Variants in DOCK5 observed in about 807,000 individuals in gnomAD.
DOCK5 encodes the protein dedicator of cytokinesis protein 5.
Under a neutral mutation model 251.8 loss-of-function variants are expected in DOCK5, and 142 were observed. That is an observed-to-expected ratio of 0.56 (90% CI 0.49 to 0.65). DOCK5 has a LOEUF of 0.65. DOCK5 is among the 30% of genes least tolerant of loss of function. The pLI is 0.00. For synonymous variants in DOCK5, 842 were observed against 835.5 expected, an observed-to-expected ratio of 1.01 and a Z score of -0.13; for missense variants, 2,111 against 2,312.3, an observed-to-expected ratio of 0.91 and a Z score of 1.79.
chr8:25,330,684 T>A (rs527515072), intron 18 of DOCK5, among the ~76,000 whole-genome samples: 2 of 152,168 alleles, frequency 1.3e-5, no homozygotes, highest in Non-Finnish European at 2.9e-5. Flanking sequence ...AGGGTGTTGA[T>A]AAACACCCTC....
chr8:25,279,292 C>T (rs767711710), intron 5 of DOCK5, among the ~76,000 whole-genome samples: 1 of 152,246 alleles, frequency 6.6e-6, no homozygotes, highest in South Asian at 2.1e-4. Context: ...AAGGAGCCAG[C>T]ACATCCTCTC....
chr8:25,305,291 C>CAAAAAAAAA (rs550179538), intron 11 of DOCK5: 1 of 87,742 alleles, frequency 1.1e-5, no homozygotes. Flanking sequence ...ATACATTATG[C>CAAAAAAAAA]AAAAAAAAAA....
chr8:25,379,557 G>A (rs965982863), intron 38 of DOCK5, among the ~76,000 whole-genome samples: 1 of 151,956 alleles, frequency 6.6e-6, no homozygotes, highest in African/African-American at 2.4e-5. Flanking sequence ...TTGTTCAAAC[G>A]CACATGTTTT....
chr8:25,355,781 T>C (rs1324804406), intron 27 of DOCK5, among the ~76,000 whole-genome samples: 1 of 152,178 alleles, frequency 6.6e-6, no homozygotes, highest in Non-Finnish European at 1.5e-5. Context: ...TGATATTTAA[T>C]GCCTGTTCTT....
intron 2 of DOCK5, among the ~76,000 whole-genome samples, chr8:25,244,869 A>G (rs114798173): frequency 0.016 from 2,486 of 152,240 alleles, 76 homozygotes; most frequent in African/African-American, 0.057. Flanking sequence ...GTAATCATGT[A>G]GCTCCCAGGG....
intron 1 of DOCK5, among the ~76,000 whole-genome samples, chr8:25,217,773 T>C (rs1458156183): frequency 6.6e-6 from 1 of 152,202 alleles, no homozygotes; most frequent in Non-Finnish European, 1.5e-5. Flanking sequence ...TAACATTGAA[T>C]CATGTAGTGA....
chr8:25,220,655 A>T (rs1307671417), intron 1 of DOCK5, among the ~76,000 whole-genome samples: 1 of 152,132 alleles, frequency 6.6e-6, no homozygotes, highest in Non-Finnish European at 1.5e-5. Flanking sequence ...TGTGTCGCCC[A>T]GGTTGGAGTA....
chr8:25,225,146 G>A (rs771261919), intron 1 of DOCK5, among the ~76,000 whole-genome samples: 2 of 152,204 alleles, frequency 1.3e-5, no homozygotes, highest in African/African-American at 2.4e-5. Context: ...TGCTCTGCTG[G>A]TGGGAATGTA....
intron 2 of DOCK5, among the ~76,000 whole-genome samples, chr8:25,258,796 G>A (rs919011956): frequency 1.3e-5 from 2 of 152,154 alleles, no homozygotes; most frequent in African/African-American, 2.4e-5. Context: ...CAGGCACTGC[G>A]AAGGACAGTT....
chr8:25,240,350 A>G (rs2117539491), intron 1 of DOCK5, among the ~76,000 whole-genome samples: 1 of 152,158 alleles, frequency 6.6e-6, no homozygotes, highest in Admixed American at 6.5e-5. Flanking sequence ...TAAGCATATA[A>G]TTCACTGATT....
At chr8:25,313,599 G>A (rs1434985470) in intron 13 of DOCK5, among the ~76,000 whole-genome samples, 7 of 152,142 alleles carry the variant, frequency 4.6e-5, no homozygotes, top group Admixed American at 6.5e-5. Context: ...AAAATACCAC[G>A]GACTGGGTGG....
At chr8:25,188,196 A>G (rs1276731172) in intron 1 of DOCK5, among the ~76,000 whole-genome samples, 1 of 152,172 alleles carries the variant, frequency 6.6e-6, no homozygotes, top group Non-Finnish European at 1.5e-5. Flanking sequence ...GTTTGGTTAG[A>G]TGGAGGAAGG....
At chr8:25,379,518 G>A (rs1801026284) in intron 38 of DOCK5, among the ~76,000 whole-genome samples, 1 of 152,064 alleles carries the variant, frequency 6.6e-6, no homozygotes, top group Admixed American at 6.5e-5. Context: ...CTGTTATTCT[G>A]TTCTTTTTCA....
intron 1 of DOCK5, among the ~76,000 whole-genome samples, chr8:25,194,793 C>A (rs1387435023): frequency 6.6e-6 from 1 of 152,174 alleles, no homozygotes; most frequent in African/African-American, 2.4e-5. Flanking sequence ...CTAAGAGTCA[C>A]CCCACATTCT....
At chr8:25,342,996 C>T (rs1428290566) in intron 25 of DOCK5, among the ~76,000 whole-genome samples, 2 of 151,672 alleles carry the variant, frequency 1.3e-5, no homozygotes, top group Non-Finnish European at 2.9e-5. Flanking sequence ...TGAGCCACCG[C>T]GTCCGGCTTG....
intron 48 of DOCK5, among the ~76,000 whole-genome samples, chr8:25,405,621 C>T (rs759312918): frequency 3.9e-5 from 6 of 151,936 alleles, no homozygotes; most frequent in Non-Finnish European, 5.9e-5. Flanking sequence ...TGGCTAGTGT[C>T]GCTATTGCTC....
At chr8:25,371,606 A>G (rs867108027) in intron 34 of DOCK5, among the ~76,000 whole-genome samples, 4 of 152,202 alleles carry the variant, frequency 2.6e-5, no homozygotes, top group African/African-American at 9.6e-5. Flanking sequence ...AAGTCTCTCC[A>G]TTTGAGCTTC....
intron 11 of DOCK5, chr8:25,305,365 C>T (rs1302454045): frequency 6.7e-6 from 1 of 150,300 alleles, no homozygotes; most frequent in Non-Finnish European, 1.5e-5. Context: ...TCCAGTCTCA[C>T]AACTTATGCC....
At chr8:25,375,590 A>G (rs959335638) in intron 37 of DOCK5, 3 of 709,212 alleles carry the variant, frequency 4.2e-6, no homozygotes, top group African/African-American at 3.9e-5. Flanking sequence ...TCCCGTAAGC[A>G]TGTCACACCT....
Sources: gnomAD v4.1 joint callset for allele counts (sites outside exome capture counted in the v4.1 genomes callset) on GRCh38, gnomAD v4.1.1 for gene constraint, MANE v1.5 for transcripts, NCBI Gene and HGNC (gene_info 2026-07-23, HGNC 2026-07-21) for gene names.